ANO4: variants seen among roughly 807,000 people sequenced by gnomAD.
The protein encoded by ANO4 is anoctamin-4.
ANO4 carries 69 observed loss-of-function variants against 141.9 expected under a neutral mutation model. The ratio of observed to expected loss-of-function variants is 0.49; its 90% CI spans 0.40 to 0.59. The LOEUF (loss-of-function observed/expected upper bound fraction) is 0.59. ANO4 is among the 20% of genes least tolerant of loss of function. The probability of loss-of-function intolerance (pLI) is 0.00; values close to 1 mark genes in which losing one functional copy is unlikely to be tolerated. For synonymous variants in ANO4, 350 were observed against 394.3 expected (o/e 0.89, Z 1.33); for missense variants, 894 against 1,162.2 (o/e 0.77, Z 3.36).
At chr12:100,889,637 A>G (rs1236447072) in intron 1 of ANO4, among the ~76,000 whole-genome samples, 1 of 152,246 alleles carries the variant, frequency 6.6e-6, no homozygotes, top group East Asian at 1.9e-4. Flanking sequence ...CACATGAAAA[A>G]ATGCTCATCA....
intron 5 of ANO4, among the ~76,000 whole-genome samples, chr12:100,963,978 A>T (rs769513924): frequency 3.9e-5 from 6 of 152,216 alleles, no homozygotes; most frequent in Non-Finnish European, 7.3e-5. Flanking sequence ...CTCATTTTAC[A>T]AATGAAGAAA....
Position 101,099,627 on chromosome 12 carries a change from C to T in ANO4, c.2056C>T (p.Pro686Ser). The T allele has an allele frequency of 6.2e-7, 1 of 1,611,808 alleles. No homozygotes were observed. Among genetic ancestry groups the T allele is most frequent in the Middle Eastern group, 1.7e-4 (1 of 6,048 alleles). The change falls in exon 22 of 28, where the codon CCT (proline) becomes TCT (serine). Residue 686 changes from proline (P) to serine (S), a missense_variant. Transcript: ENST00000392977. ...TRRKVRQEHG[P>S]ERKISFPQWE... The stretch of plus-strand genomic sequence containing the variant: ...AAGAAAAGTACGACAAGAACATGGA[C>T]CTGAAAGGAAAATAAGTTTCCCACA...
intron 9 of ANO4, among the ~76,000 whole-genome samples, chr12:101,032,367 C>T (rs1256124802): frequency 2.0e-5 from 3 of 152,208 alleles, no homozygotes; most frequent in Non-Finnish European, 2.9e-5. Flanking sequence ...GCTGGGAAAA[C>T]GGGCTAGCCA....
intron 1 of ANO4, among the ~76,000 whole-genome samples, chr12:100,726,295 A>T (rs190294077): frequency 1.3e-5 from 2 of 151,918 alleles, no homozygotes; most frequent in African/African-American, 4.9e-5. Flanking sequence ...GGTCTTTCTT[A>T]AAAAGAAGCT....
chr12:100,858,546 C>T (rs1265370458), intron 1 of ANO4, among the ~76,000 whole-genome samples: 3 of 151,980 alleles, frequency 2.0e-5, no homozygotes, highest in African/African-American at 4.8e-5. Flanking sequence ...TTTAAGTTCC[C>T]TCAATTTAAA....
In ANO4 at chr12:100,768,077, G is replaced by A. The variant is rs569179371; in HGVS notation, c.358+27972G>A. 3.9e-5 allele frequency among the ~76,000 whole-genome samples: 6 copies of A among 152,264 alleles called. No homozygotes were observed. In the East Asian group the frequency reaches 9.7e-4, roughly 25 times the overall value. On this transcript the variant is annotated intron_variant, in intron 3 of 29. Transcript: ENST00000644049. Reference sequence around the variant, plus strand: ...GCACTGGGGCAGTTCTGAAGCCTGGGGTTGAGGGAGTTGGCCTGAAGCCTA... The same window carrying A: ...GCACTGGGGCAGTTCTGAAGCCTGGAGTTGAGGGAGTTGGCCTGAAGCCTA...
chr12:101,036,058 AT>A (rs1250415452), intron 9 of ANO4, among the ~76,000 whole-genome samples: 1 of 152,190 alleles, frequency 6.6e-6, no homozygotes, highest in African/African-American at 2.4e-5. Flanking sequence ...CTGAATAGAC[AT>A]TTTTCCATAT....
intron 14 of ANO4, chr12:101,066,932 A>C: frequency 2.6e-6 from 2 of 774,552 alleles, no homozygotes; most frequent in East Asian, 2.5e-5. Flanking sequence ...TTCTGTTACA[A>C]GGCAACATGA....
intron 14 of ANO4, chr12:101,066,950 G>T: frequency 3.1e-6 from 2 of 655,684 alleles, no homozygotes; most frequent in Non-Finnish European, 5.8e-6. Context: ...TGAGGACTTT[G>T]TGTGACTACA....
chr12:100,730,220 G>C (rs2031325447), intron 1 of ANO4, among the ~76,000 whole-genome samples: 1 of 152,152 alleles, frequency 6.6e-6, no homozygotes. Flanking sequence ...GAATTTTATT[G>C]ATTCAGCAAA....
intron 16 of ANO4, among the ~76,000 whole-genome samples, chr12:101,084,762 T>C (rs1401024270): frequency 6.6e-6 from 1 of 152,250 alleles, no homozygotes; most frequent in South Asian, 2.1e-4. Flanking sequence ...TTTATTGTAT[T>C]GTTTCTTACA....
At chr12:100,739,859 G>T in exon 3 of ANO4, 1 of 702,444 alleles carries the variant, frequency 1.4e-6, no homozygotes, top group South Asian at 1.5e-5. Flanking sequence ...ACCAGGTTAT[G>T]ACGTTGCGGG....
intron 1 of ANO4, among the ~76,000 whole-genome samples, chr12:100,882,251 G>A (rs532431350): frequency 1.3e-5 from 2 of 152,188 alleles, no homozygotes; most frequent in African/African-American, 4.8e-5. Flanking sequence ...CAACTTGAAC[G>A]GGGTGGAACC....
chr12:100,864,436 C>G (rs2038646244), intron 1 of ANO4, among the ~76,000 whole-genome samples: 2 of 152,092 alleles, frequency 1.3e-5, no homozygotes, highest in South Asian at 4.1e-4. Context: ...ATTTCTGATT[C>G]CTATCCAGAA....
At chr12:101,072,942 T>C (rs1174180232) in intron 14 of ANO4, among the ~76,000 whole-genome samples, 1 of 152,158 alleles carries the variant, frequency 6.6e-6, no homozygotes, top group African/African-American at 2.4e-5. Flanking sequence ...CAACAGATGC[T>C]GGAGAGGATG....
chr12:101,075,044 T>G (rs773046111), intron 14 of ANO4, among the ~76,000 whole-genome samples: 3 of 152,096 alleles, frequency 2.0e-5, no homozygotes, highest in Non-Finnish European at 2.9e-5. Context: ...ATGGTGTGAT[T>G]AGCGCTGACC....
chr12:101,118,260 G>T (rs539615319), intron 25 of ANO4, among the ~76,000 whole-genome samples: 6 of 152,198 alleles, frequency 3.9e-5, no homozygotes, highest in African/African-American at 1.2e-4. Flanking sequence ...TTGAAAATAA[G>T]ATAAAAATAC....
Position 101,126,303 on chromosome 12 carries a change from C to G in ANO4, c.2677-576C>G, listed in dbSNP as rs1020401386. ...CCATTATATAGATGAGCAGAAGTGA[C>G]AGTGACTCTAGAATTCCAGCTATTA... On this transcript the variant is annotated intron_variant, in intron 26 of 27. Transcript: ENST00000392977. Among the ~76,000 whole-genome samples, 7 of 152,102 alleles carry G rather than the reference C, an allele frequency of 4.6e-5. No individual in the cohort carries two copies. In the East Asian group the frequency reaches 1.3e-3, roughly 29 times the overall value.
At position 101,020,138 on chromosome 12, in the gene ANO4, T is replaced by G. The variant is rs375891394; in HGVS notation, c.839T>G (p.Ile280Ser). ...RIKYEEGKNK[I>S]GLNRLLTNGS... The stretch of plus-strand genomic sequence containing the variant: ...AAATATGAAGAAGGAAAAAACAAGA[T>G]TGGTAAGTAGTATGTTAGTATAACA... Residue 280 changes from isoleucine (I) to serine (S), a missense_variant and splice_region_variant, in exon 9 of 28, where the codon ATT (isoleucine) becomes AGT (serine). This residue lies in a region of ANO4 where 637 missense variants were observed against 909.2 expected (regional missense o/e 0.70). Transcript: ENST00000392977. 6.3e-7 allele frequency: 1 copy of G among 1,590,748 alleles called. No homozygotes were observed. Among genetic ancestry groups the G allele is most frequent in the East Asian group, 2.2e-5 (1 of 44,718 alleles).
Sources: gnomAD v4.1 joint callset for allele counts (sites outside exome capture counted in the v4.1 genomes callset) on GRCh38, gnomAD v4.1.1 for gene constraint, gnomAD v4.1.1 regional missense constraint, MANE v1.5 for transcripts, NCBI Gene and HGNC (gene_info 2026-07-23, HGNC 2026-07-21) for gene names.